The following MBOAT1 variants were observed in gnomAD, a reference collection of about 807,000 sequenced individuals.
MBOAT1 encodes membrane bound glycerophospholipid O-acyltransferase 1, also known as membrane-bound glycerophospholipid O-acyltransferase 1.
In MBOAT1, 67 loss-of-function variants were observed where a neutral mutation model predicts 64.4. The ratio of observed to expected loss-of-function variants is 1.04; its 90% CI spans 0.85 to 1.27. MBOAT1 has a LOEUF of 1.27. Among genes scored for constraint, MBOAT1 ranks in the 50% most tolerant of loss-of-function variants. The probability of loss-of-function intolerance (pLI) is 0.00; values close to 1 mark genes in which losing one functional copy is unlikely to be tolerated. For missense variants in MBOAT1, 563 were observed against 604.6 expected, an observed-to-expected ratio of 0.93 and a Z score of 0.72; for synonymous variants, 229 against 218.9, an observed-to-expected ratio of 1.05 and a Z score of -0.41.
In MBOAT1 at chr6:20,149,886, C is replaced by G. The variant is rs566953990; in HGVS notation, c.323+1299G>C. 3.9e-5 allele frequency among the ~76,000 whole-genome samples: 6 copies of G among 152,294 alleles called. No homozygotes were observed. The East Asian group carries it at 9.6e-4, about 24-fold the overall frequency. On this transcript the variant is annotated intron_variant, in intron 3 of 12. Transcript: ENST00000324607. ...TTCTGAAGCTGAAATAAGGCACCTGCTTTTCAGAGAGGCCGTCAGAAGCCA... is the reference window on the plus strand; with the variant it reads ...TTCTGAAGCTGAAATAAGGCACCTGGTTTTCAGAGAGGCCGTCAGAAGCCA...
intron 4 of MBOAT1, among the ~76,000 whole-genome samples, chr6:20,139,393 G>A (rs1315641544): frequency 2.7e-5 from 4 of 150,728 alleles, no homozygotes; most frequent in Non-Finnish European, 4.4e-5. Flanking sequence ...TGTGAGCAAC[G>A]GTGCCCCGCC....
At chr6:20,116,981 ACT>A (rs1760339716) in intron 9 of MBOAT1, among the ~76,000 whole-genome samples, 1 of 151,996 alleles carries the variant, frequency 6.6e-6, no homozygotes, top group African/African-American at 2.4e-5. Context: ...ACACACTTGA[ACT>A]CTCTCTGACG....
chr6:20,179,238 AG>A (rs1429299552), intron 1 of MBOAT1, among the ~76,000 whole-genome samples: 1 of 152,120 alleles, frequency 6.6e-6, no homozygotes, highest in Non-Finnish European at 1.5e-5. Flanking sequence ...GCTGTAGGGC[AG>A]CTCCATTAGT....
At chr6:20,198,291 C>A (rs1380552111) in intron 1 of MBOAT1, among the ~76,000 whole-genome samples, 30 of 151,992 alleles carry the variant, frequency 2.0e-4, no homozygotes, top group Admixed American at 2.0e-3. Flanking sequence ...CGTGTTCCAT[C>A]TAATACGAAG....
At position 20,212,075 on chromosome 6, in the gene MBOAT1, C is replaced by T. The variant is rs879132610; in HGVS notation, c.99+61G>A. On this transcript the variant is annotated intron_variant, in intron 1 of 12. Transcript: ENST00000324607. ...GGAGGGACGGTGGCTAACACTTTCG[C>T]CCGCCCCGTGCACGCGATCGCTGGG... 22 of 1,507,940 alleles carry T rather than the reference C, an allele frequency of 1.5e-5. No homozygotes were observed. In the South Asian group the frequency reaches 2.0e-4, roughly 13 times the overall value. The allele number at this position is 1,507,940 out of a possible 1,614,324, so 93.4% of individuals were successfully genotyped here. A position where few individuals can be genotyped will look rare whatever the true frequency, so the allele number is the denominator to read the frequency against.
intron 4 of MBOAT1, among the ~76,000 whole-genome samples, chr6:20,132,531 T>C (rs1468040225): frequency 1.3e-5 from 2 of 152,206 alleles, no homozygotes; most frequent in Non-Finnish European, 2.9e-5. Flanking sequence ...TAACAAATGG[T>C]ATTGGGACAA....
rs1433353707 is a variant in MBOAT1 at position 20,183,275 on chromosome 6, A to G, written c.99+28861T>C. On this transcript the variant is annotated intron_variant, in intron 1 of 12. Coordinates refer to ENST00000324607, the MANE Select transcript of MBOAT1 (RefSeq NM_001080480.3). Reference sequence around the variant, plus strand: ...AGGAGAAGTCTGCAAGGATTCTACTAAAACAAACCAAAAAATAAGTTTACT... The same window carrying G: ...AGGAGAAGTCTGCAAGGATTCTACTGAAACAAACCAAAAAATAAGTTTACT... 1.1e-4 allele frequency among the ~76,000 whole-genome samples: 17 copies of G among 152,230 alleles called. 1 individual carries two copies. The highest frequency in any genetic ancestry group is 1.1e-3 in the Admixed American group (17 of 15,284).
Position 20,112,925 on chromosome 6 carries a change from T to C in MBOAT1, c.1160A>G (p.Tyr387Cys), listed in dbSNP as rs1328014064. 30 of 1,614,036 alleles carry C rather than the reference T, an allele frequency of 1.9e-5. No homozygotes were observed. Among genetic ancestry groups the C allele is most frequent in the Non-Finnish European group, 2.4e-5 (28 of 1,179,978 alleles). ...AATTCCAGTTAAGAAGGTAAAATAGTATCCAGGGTAGACACCATGCCACAA... is the reference window on the plus strand; with the variant it reads ...AATTCCAGTTAAGAAGGTAAAATAGCATCCAGGGTAGACACCATGCCACAA... ...SALWHGVYPG[Y>C]YFTFLTGILV... Residue 387 changes from tyrosine (Y) to cysteine (C), a missense_variant, in exon 11 of 13, where the codon TAC becomes TGC. Tyr to Cys is a radical substitution (Grantham distance 194). Coordinates refer to ENST00000324607, the MANE Select transcript of MBOAT1 (RefSeq NM_001080480.3).
At chr6:20,127,495 A>G (rs1002662647) in intron 6 of MBOAT1, among the ~76,000 whole-genome samples, 6 of 152,138 alleles carry the variant, frequency 3.9e-5, no homozygotes, top group African/African-American at 1.2e-4. Context: ...ATCTGTATTT[A>G]CAGCCTCTCC....
intron 1 of MBOAT1, among the ~76,000 whole-genome samples, chr6:20,171,163 G>A (rs183320298): frequency 1.6e-3 from 247 of 152,236 alleles, no homozygotes; most frequent in South Asian, 5.6e-3. Flanking sequence ...AGGCTGATGT[G>A]TAAGAATGGA....
Position 20,118,418 on chromosome 6 carries a change from C to G in MBOAT1, c.1011+19G>C. 6.3e-7 allele frequency: 1 copy of G among 1,594,370 alleles called. No individual in the cohort carries two copies. The highest frequency in any genetic ancestry group is 1.3e-5 in the African/African-American group (1 of 74,682). ...TGCTTTCTTCACTATGGAAGTTGGA[C>G]TTAAAAGCATACACTCACCTCAATT... On this transcript the variant is annotated intron_variant, in intron 9 of 12. Coordinates refer to ENST00000324607, the MANE Select transcript of MBOAT1 (RefSeq NM_001080480.3).
intron 3 of MBOAT1, among the ~76,000 whole-genome samples, chr6:20,149,055 C>A (rs1761412276): frequency 6.8e-6 from 1 of 146,016 alleles, no homozygotes; most frequent in South Asian, 2.2e-4. Flanking sequence ...AAGCCGAGAT[C>A]ACATCACTGC....
At chr6:20,139,284 C>T (rs147312273) in intron 4 of MBOAT1, among the ~76,000 whole-genome samples, 3,504 of 152,204 alleles carry the variant, frequency 0.023, 54 homozygotes, top group Middle Eastern at 0.044. Flanking sequence ...TGCGCCACCA[C>T]GCCCTGCTAA....
intron 12 of MBOAT1, among the ~76,000 whole-genome samples, chr6:20,104,213 T>C (rs1432747210): frequency 3.9e-5 from 6 of 152,162 alleles, no homozygotes; most frequent in Non-Finnish European, 7.3e-5. Flanking sequence ...TCTATGATGT[T>C]CAAACAACAA....
At chr6:20,125,643 C>T (rs1760627661) in intron 7 of MBOAT1, among the ~76,000 whole-genome samples, 4 of 152,340 alleles carry the variant, frequency 2.6e-5, no homozygotes, top group East Asian at 1.9e-4. Flanking sequence ...TGGTGTCTCT[C>T]ACAACCATGG....
At chr6:20,117,108 G>A (rs1208397223) in intron 9 of MBOAT1, among the ~76,000 whole-genome samples, 1 of 152,160 alleles carries the variant, frequency 6.6e-6, no homozygotes, top group African/African-American at 2.4e-5. Context: ...ATCGTGACCG[G>A]GGACTGCTTC....
chr6:20,100,030 T>C lies in MBOAT1; in HGVS notation c.*2256A>G, dbSNP rs999678846. ...AGAGGTTTGACTTCTCCTCATCCCA[T>C]AAGGAGTAATCAATTCTGGGCAGTC... On this transcript the variant is annotated 3_prime_UTR_variant, in exon 13 of 13. Transcript: ENST00000324607. Among the ~76,000 whole-genome samples the C allele has an allele frequency of 1.3e-5, 2 of 152,116 alleles. No homozygotes were observed. Among genetic ancestry groups the C allele is most frequent in the Non-Finnish European group, 1.5e-5 (1 of 68,012 alleles).
chr6:20,108,235 A>G (rs1333177616), intron 12 of MBOAT1, among the ~76,000 whole-genome samples: 1 of 152,204 alleles, frequency 6.6e-6, no homozygotes, highest in Non-Finnish European at 1.5e-5. Flanking sequence ...CCAATGCTCA[A>G]TGGCCACACA....
At chr6:20,185,860 A>T (rs565555630) in intron 1 of MBOAT1, among the ~76,000 whole-genome samples, 1 of 152,334 alleles carries the variant, frequency 6.6e-6, no homozygotes, top group East Asian at 1.9e-4. Flanking sequence ...TCAAGGCTTC[A>T]TAGGTAGTTA....
Sources: gnomAD v4.1 joint callset for allele counts (sites outside exome capture counted in the v4.1 genomes callset) on GRCh38, gnomAD v4.1.1 for gene constraint, MANE v1.5 for transcripts, NCBI Gene and HGNC (gene_info 2026-07-23, HGNC 2026-07-21) for gene names.